B3GALT1: variants seen among roughly 807,000 people sequenced by gnomAD.
The protein encoded by B3GALT1 is beta-1,3-galactosyltransferase 1.
Under a neutral mutation model 23.2 loss-of-function variants are expected in B3GALT1, and 10 were observed. The observed-to-expected ratio is 0.43, with a 90% CI of 0.27 to 0.73. The LOEUF (loss-of-function observed/expected upper bound fraction) is 0.73, where lower values mean the gene tolerates loss of function less well. Among genes scored for constraint, B3GALT1 ranks in the 30% least tolerant of loss-of-function variants. The pLI is 0.21. For missense variants in B3GALT1, 299 were observed against 405.4 expected, an observed-to-expected ratio of 0.74 and a Z score of 2.25; for synonymous variants, 156 against 141.5, an observed-to-expected ratio of 1.10 and a Z score of -0.73.
chr2:167,657,245 C>G (rs1685970152), intron 3 of B3GALT1, among the ~76,000 whole-genome samples: 1 of 152,026 alleles, frequency 6.6e-6, no homozygotes, highest in South Asian at 2.1e-4. Context: ...GATATTTGAG[C>G]TGAAGAATAA....
intron 2 of B3GALT1, among the ~76,000 whole-genome samples, chr2:167,614,961 A>C (rs1685133943): frequency 6.6e-6 from 1 of 151,958 alleles, no homozygotes; most frequent in Non-Finnish European, 1.5e-5. Context: ...TGAATGTTAA[A>C]AATAAGAATA....
intron 2 of B3GALT1, among the ~76,000 whole-genome samples, chr2:167,567,351 T>G (rs960856183): frequency 2.0e-5 from 3 of 152,212 alleles, no homozygotes; most frequent in African/African-American, 7.2e-5. Flanking sequence ...TCTTTTATTA[T>G]GCATGGAATT....
chr2:167,755,731 G>A (rs1378646027), intron 3 of B3GALT1, among the ~76,000 whole-genome samples: 2 of 152,124 alleles, frequency 1.3e-5, no homozygotes, highest in African/African-American at 4.8e-5. Flanking sequence ...GACTCAGGAG[G>A]CCAAGGCAAG....
chr2:167,667,489 T>C (rs376181931), intron 3 of B3GALT1, among the ~76,000 whole-genome samples: 33 of 152,284 alleles, frequency 2.2e-4, no homozygotes, highest in East Asian at 3.9e-4. Flanking sequence ...TGAATCTGAA[T>C]GTTGGCCTGC....
intron 1 of B3GALT1, among the ~76,000 whole-genome samples, chr2:167,453,040 G>C (rs1376913199): frequency 6.6e-6 from 1 of 152,200 alleles, no homozygotes; most frequent in Admixed American, 6.5e-5. Flanking sequence ...GCCAAGTAAA[G>C]TATATATCTT....
chr2:167,463,136 G>A (rs975873568), intron 1 of B3GALT1, among the ~76,000 whole-genome samples: 1 of 151,754 alleles, frequency 6.6e-6, no homozygotes, highest in African/African-American at 2.4e-5. Context: ...TATTTTGTCT[G>A]TTTCTGATAA....
chr2:167,613,292 G>C (rs922774962), intron 2 of B3GALT1, among the ~76,000 whole-genome samples: 2 of 151,792 alleles, frequency 1.3e-5, no homozygotes, highest in Non-Finnish European at 2.9e-5. Context: ...CCTAGTAATA[G>C]ATAAATGATC....
intron 1 of B3GALT1, among the ~76,000 whole-genome samples, chr2:167,338,089 G>T (rs1697087538): frequency 6.6e-6 from 1 of 152,096 alleles, no homozygotes. Context: ...ATATTTCCAA[G>T]ATAATTTTTA....
intron 1 of B3GALT1, among the ~76,000 whole-genome samples, chr2:167,470,412 A>T (rs747895990): frequency 2.0e-5 from 3 of 152,212 alleles, no homozygotes; most frequent in Non-Finnish European, 4.4e-5. Flanking sequence ...TTGGCATTCT[A>T]ACTTTAAATT....
At chr2:167,464,809 C>T (rs1356438743) in intron 1 of B3GALT1, among the ~76,000 whole-genome samples, 1 of 152,140 alleles carries the variant, frequency 6.6e-6, no homozygotes, top group Non-Finnish European at 1.5e-5. Context: ...TGTATATACT[C>T]AACCCTCTGC....
rs551763571 is a variant in B3GALT1 at position 167,647,536 on chromosome 2, A to AGTT, written c.-352+570_-352+571insGTT. ...TTTTCCAGAGTATCCTTAACATTTG[A>AGTT]AACCCTTAGAAAGAGTACTAGAGGT... is the stretch of plus-strand genomic sequence containing the variant. On this transcript the variant is annotated intron_variant, in intron 3 of 4. Coordinates refer to ENST00000392690, the MANE Select transcript of B3GALT1 (RefSeq NM_020981.4). Among the ~76,000 whole-genome samples, 307 of 152,326 alleles carry AGTT rather than the reference A, an allele frequency of 2.0e-3. 4 individuals carry two copies. The East Asian group carries it at 0.036, about 18-fold the overall frequency.
intron 2 of B3GALT1, among the ~76,000 whole-genome samples, chr2:167,642,841 T>G (rs1483499397): frequency 1.3e-5 from 2 of 152,172 alleles, no homozygotes; most frequent in Non-Finnish European, 2.9e-5. Flanking sequence ...TCCCAGCACT[T>G]AAAACATTGG....
At chr2:167,564,488 G>C (rs559009646) in intron 2 of B3GALT1, among the ~76,000 whole-genome samples, 1 of 152,276 alleles carries the variant, frequency 6.6e-6, no homozygotes, top group Admixed American at 6.5e-5. Flanking sequence ...TGCAATCTCG[G>C]CACCCTGGGA....
chr2:167,438,868 A>G (rs1698831001), intron 1 of B3GALT1, among the ~76,000 whole-genome samples: 3 of 152,224 alleles, frequency 2.0e-5, no homozygotes, highest in African/African-American at 7.2e-5. Flanking sequence ...GAAAGACAGC[A>G]GCTTCAGGTG....
chr2:167,529,820 G>C (rs2105367042), intron 2 of B3GALT1, among the ~76,000 whole-genome samples: 1 of 151,894 alleles, frequency 6.6e-6, no homozygotes, highest in Non-Finnish European at 1.5e-5. Context: ...TTTCTCACCT[G>C]AATTATTTCA....
chr2:167,298,256 T>C (rs1253791022), intron 1 of B3GALT1, among the ~76,000 whole-genome samples: 1 of 152,136 alleles, frequency 6.6e-6, no homozygotes, highest in African/African-American at 2.4e-5. Flanking sequence ...AGTTGATATT[T>C]ATTGCCAGTT....
intron 3 of B3GALT1, among the ~76,000 whole-genome samples, chr2:167,681,604 A>T (rs1198785783): frequency 1.3e-4 from 20 of 152,252 alleles, no homozygotes; most frequent in Admixed American, 1.3e-3. Flanking sequence ...TGATTTACAT[A>T]TCACCTTGTT....
intron 3 of B3GALT1, among the ~76,000 whole-genome samples, chr2:167,698,029 A>C (rs1390505506): frequency 6.6e-6 from 1 of 152,232 alleles, no homozygotes; most frequent in Admixed American, 6.5e-5. Flanking sequence ...GAGTATTATC[A>C]TGATTGCACT....
chr2:167,763,112 A>G (rs1051973251), intron 3 of B3GALT1, among the ~76,000 whole-genome samples: 37 of 152,112 alleles, frequency 2.4e-4, no homozygotes, highest in African/African-American at 8.9e-4. Flanking sequence ...AAGTGTTTTT[A>G]TTTATTTATT....
Sources: gnomAD v4.1 joint callset for allele counts (sites outside exome capture counted in the v4.1 genomes callset) on GRCh38, gnomAD v4.1.1 for gene constraint, MANE v1.5 for transcripts, NCBI Gene and HGNC (gene_info 2026-07-23, HGNC 2026-07-21) for gene names.